Variants in UNC13B observed in about 807,000 individuals in gnomAD.
The protein encoded by UNC13B is unc-13 homolog B, also known as protein unc-13 homolog B.
Under a neutral mutation model 211.0 loss-of-function variants are expected in UNC13B, and 144 were observed. That is an observed-to-expected ratio of 0.68 (90% CI 0.60 to 0.78). The LOEUF (loss-of-function observed/expected upper bound fraction) is 0.78. UNC13B is among the 30% of genes least tolerant of loss of function. The probability of loss-of-function intolerance (pLI) is 0.00; values close to 1 mark genes in which losing one functional copy is unlikely to be tolerated. For synonymous variants in UNC13B, 709 were observed against 725.8 expected (o/e 0.98, Z 0.37); for missense variants, 1,777 against 2,002.0 (o/e 0.89, Z 2.14).
At chr9:35,254,319 G>A (rs772656151) in intron 6 of UNC13B, among the ~76,000 whole-genome samples, 3 of 152,178 alleles carry the variant, frequency 2.0e-5, no homozygotes, top group Non-Finnish European at 4.4e-5. Context: ...CTAAAATCAA[G>A]GCACTGGCAC....
At chr9:35,400,263 T>C (rs1386111526) in intron 36 of UNC13B, 33 bp from the exon 37 acceptor site, 1 of 1,608,680 alleles carries the variant, frequency 6.2e-7, no homozygotes. Flanking sequence ...TGTAAGGGGA[T>C]GAAGCAGTCA....
intron 17 of UNC13B, among the ~76,000 whole-genome samples, chr9:35,379,940 C>T (rs915647073): frequency 7.9e-5 from 12 of 152,000 alleles, no homozygotes; most frequent in Non-Finnish European, 1.5e-4. Flanking sequence ...ACCCGATAGA[C>T]GAGATGACAA....
At chr9:35,356,954 A>G (rs1197851268) in intron 11 of UNC13B, among the ~76,000 whole-genome samples, 1 of 152,188 alleles carries the variant, frequency 6.6e-6, no homozygotes, top group Non-Finnish European at 1.5e-5. Flanking sequence ...AACAATATTT[A>G]TTGATGGACA....
At chr9:35,321,905 A>G (rs542074954) in intron 11 of UNC13B, among the ~76,000 whole-genome samples, 2 of 152,358 alleles carry the variant, frequency 1.3e-5, no homozygotes, top group East Asian at 3.9e-4. Context: ...CTGTACCAAC[A>G]TTAAGTATTC....
chr9:35,391,546 A>T (rs1200229919), intron 26 of UNC13B, among the ~76,000 whole-genome samples: 1 of 152,170 alleles, frequency 6.6e-6, no homozygotes, highest in East Asian at 1.9e-4. Flanking sequence ...GAAACCTTGA[A>T]GATCTGTGTT....
chr9:35,363,995 A>G (rs571759943), intron 11 of UNC13B, among the ~76,000 whole-genome samples: 19 of 152,290 alleles, frequency 1.2e-4, no homozygotes, highest in African/African-American at 4.6e-4. Context: ...CCCTGGTCCA[A>G]CTTAATTTCA....
At chr9:35,281,083 A>G (rs1828457110) in intron 7 of UNC13B, among the ~76,000 whole-genome samples, 1 of 152,078 alleles carries the variant, frequency 6.6e-6, no homozygotes, top group South Asian at 2.1e-4. Context: ...CCCTGTCTCT[A>G]CTAAAAAATA....
intron 1 of UNC13B, among the ~76,000 whole-genome samples, chr9:35,220,470 A>G (rs191501856): frequency 6.6e-6 from 1 of 151,628 alleles, no homozygotes; most frequent in Non-Finnish European, 1.5e-5. Flanking sequence ...TGGTAGTTCT[A>G]CTGTTTCCAT....
chr9:35,297,561 T>TTTTTTTTTTTTTTGTTTTTTTG, intron 8 of UNC13B, among the ~76,000 whole-genome samples: 2,363 of 127,490 alleles, frequency 0.019, 48 homozygotes, highest in Non-Finnish European at 0.03. Context: ...TTTTTTTTTT[T>TTTTTTTTTTTTTTGTTTTTTTG]TTTTTTGAGA....
At chr9:35,321,533 T>A (rs905825842) in intron 11 of UNC13B, among the ~76,000 whole-genome samples, 2 of 152,244 alleles carry the variant, frequency 1.3e-5, no homozygotes, top group Non-Finnish European at 2.9e-5. Context: ...GTTACTATTA[T>A]GAATAACGCT....
At chr9:35,255,488 T>C (rs1256300867) in intron 6 of UNC13B, among the ~76,000 whole-genome samples, 1 of 152,106 alleles carries the variant, frequency 6.6e-6, no homozygotes, top group Admixed American at 6.6e-5. Context: ...TTATTATTAC[T>C]CAAATCAGTC....
intron 11 of UNC13B, among the ~76,000 whole-genome samples, chr9:35,314,731 A>T (rs569138329): frequency 6.6e-6 from 1 of 151,480 alleles, no homozygotes; most frequent in Non-Finnish European, 1.5e-5. Context: ...ATTATTCCAC[A>T]CTCTAAATCC....
chr9:35,264,037 T>C (rs1047545992), intron 7 of UNC13B, among the ~76,000 whole-genome samples: 1 of 152,158 alleles, frequency 6.6e-6, no homozygotes, highest in Non-Finnish European at 1.5e-5. Flanking sequence ...GGATTGTTGC[T>C]GAAACAAATA....
chr9:35,285,193 G>A (rs1421975493), intron 7 of UNC13B, among the ~76,000 whole-genome samples: 2 of 152,100 alleles, frequency 1.3e-5, no homozygotes, highest in African/African-American at 4.8e-5. Flanking sequence ...GGCTCAGTAG[G>A]ATAGTGGGTC....
intron 26 of UNC13B, among the ~76,000 whole-genome samples, chr9:35,395,673 A>G (rs1471283085): frequency 6.6e-6 from 1 of 152,186 alleles, no homozygotes; most frequent in Non-Finnish European, 1.5e-5. Flanking sequence ...GATGAAGAGA[A>G]CCTATGGGTG....
chr9:35,174,887 C>G (rs10738938), intron 1 of UNC13B, among the ~76,000 whole-genome samples: 147,956 of 151,288 alleles, frequency 0.98, 72,379 homozygotes, highest in Non-Finnish European at 1. Flanking sequence ...CGCCCGGCCA[C>G]GTCTTGAACT....
Position 35,301,144 on chromosome 9 carries a change from G to A in UNC13B, c.1740G>A (p.Leu580=), listed in dbSNP as rs1428343823. Residue 580 remains leucine (L), a synonymous_variant, in exon 9 of 40, where the codon TTG becomes TTA. Coordinates refer to ENST00000635942, the MANE Select transcript of UNC13B (RefSeq NM_001371189.2). The part of the protein sequence containing the change: ...ETLNQIEAIN[L]GSKPRAMAVL... ...TTAATCAAATAGAGGCAATTAATTT[G>A]GGATCTAAACCCAGAGCCATGGCAG... The A allele has an allele frequency of 2.5e-6, 1 of 398,708 alleles. No homozygotes were observed. The highest frequency in any genetic ancestry group is 2.1e-5 in the African/African-American group (1 of 48,586). The allele number at this position is 398,708 out of a possible 1,614,324, so 24.7% of individuals were successfully genotyped here.
chr9:35,237,889 T>C (rs769315761), intron 5 of UNC13B, 63 bp downstream of exon 5: 2 of 1,513,546 alleles, frequency 1.3e-6, no homozygotes, highest in Non-Finnish European at 1.8e-6. Context: ...GTTTGCTAGT[T>C]GTTTCATTAA....
intron 11 of UNC13B, among the ~76,000 whole-genome samples, chr9:35,350,430 C>T (rs143407361): frequency 1.2e-3 from 183 of 152,300 alleles, no homozygotes; most frequent in African/African-American, 4.1e-3. Context: ...GGACAGTGTG[C>T]TGGACAATCA....
Sources: allele counts gnomAD v4.1 joint callset (sites outside exome capture counted in the v4.1 genomes callset), GRCh38; gene constraint gnomAD v4.1.1; transcripts MANE v1.5; gene names NCBI Gene and HGNC (gene_info 2026-07-23, HGNC 2026-07-21).